The following ACSM4 variants were observed in gnomAD, a reference collection of about 807,000 sequenced individuals.
ACSM4 encodes acyl-coenzyme A synthetase ACSM4, mitochondrial.
Under a neutral mutation model 73.0 loss-of-function variants are expected in ACSM4, and 66 were observed. The ratio of observed to expected loss-of-function variants is 0.90; its 90% CI spans 0.74 to 1.11. ACSM4 has a LOEUF of 1.11. Among genes scored for constraint, ACSM4 ranks in the 50% least tolerant of loss-of-function variants. The probability of loss-of-function intolerance (pLI) is 0.00; values close to 1 mark genes in which losing one functional copy is unlikely to be tolerated. For missense variants in ACSM4, 645 were observed against 714.4 expected (o/e 0.90, Z 1.11); for synonymous variants, 222 against 254.0 (o/e 0.87, Z 1.20).
At position 7,310,673 on chromosome 12, in the gene ACSM4, C is replaced by A; in HGVS notation, c.547C>A (p.Pro183Thr). 6.2e-7 allele frequency: 1 copy of A among 1,613,478 alleles called. No individual in the cohort carries two copies. The highest frequency in any genetic ancestry group is 8.5e-7 in the Non-Finnish European group (1 of 1,179,738). The change falls in exon 3 of 13, where the codon CCT (proline) becomes ACT (threonine). Residue 183 changes from proline (P) to threonine (T), a missense_variant. By Grantham distance (38) the Pro-to-Thr change is conservative. Transcript: ENST00000399422. ...PAVESIVLEC[P>T]DLKTKLLVSP... is the part of the protein sequence containing the mutation. ...GGTGGAGTCCATTGTATTGGAGTGT[C>A]CTGACCTTAAGACAAAACTCCTGGT...
At chr12:7,317,665 T>C (rs1946431572) in intron 4 of ACSM4, among the ~76,000 whole-genome samples, 1 of 152,198 alleles carries the variant, frequency 6.6e-6, no homozygotes, top group African/African-American at 2.4e-5. Context: ...CTTAACTCAC[T>C]TTATTGTATA....
rs200663706 is a variant in ACSM4, at chr12:7,323,277, G to A, written c.1169G>A (p.Gly390Asp). 8.7e-6 allele frequency: 14 copies of A among 1,611,416 alleles called. No individual in the cohort carries two copies. In the Admixed American group the frequency reaches 1.2e-4, roughly 13 times the overall value. ...CAGAAAGGCCAAGAAATTAAACCAGGTTCAATGGGGAAAGGAATGCTGCCC... is the reference window on the plus strand; with the variant it reads ...CAGAAAGGCCAAGAAATTAAACCAGATTCAATGGGGAAAGGAATGCTGCCC... ...ANQKGQEIKP[G>D]SMGKGMLPYD... The change falls in exon 8 of 13, where the codon GGT (glycine) becomes GAT (aspartate). Residue 390 changes from glycine to aspartate, a missense_variant. Transcript: ENST00000399422.
At chr12:7,314,484 T>C (rs1026976752) in intron 3 of ACSM4, among the ~76,000 whole-genome samples, 2 of 152,196 alleles carry the variant, frequency 1.3e-5, no homozygotes, top group Non-Finnish European at 2.9e-5. Context: ...CAGATTGTGA[T>C]GCTTTTTCTT....
chr12:7,327,533 G>A (rs942878545), intron 12 of ACSM4, among the ~76,000 whole-genome samples: 5 of 152,066 alleles, frequency 3.3e-5, no homozygotes, highest in African/African-American at 1.2e-4. Flanking sequence ...AAGAAACTAT[G>A]GAATCTTTCC....
At position 7,304,157 on chromosome 12, in the gene ACSM4, T is replaced by G. The variant is rs1006617457; in HGVS notation, c.-175T>G. 3 of 642,674 alleles carry G rather than the reference T, an allele frequency of 4.7e-6. No individual in the cohort carries two copies. Among genetic ancestry groups the G allele is most frequent in the African/African-American group, 1.8e-5 (1 of 54,738 alleles). 39.8% of individuals were successfully genotyped at this position (642,674 alleles called of 1,614,324 possible). A position where few individuals can be genotyped will look rare whatever the true frequency, so the allele number is the denominator to read the frequency against. ...CAGTCAGTGGCTAAGGCAGCAGCTCTGAGGAAGGATGAGGTGTTTTTCAGG... is the reference window on the plus strand; with the variant it reads ...CAGTCAGTGGCTAAGGCAGCAGCTCGGAGGAAGGATGAGGTGTTTTTCAGG... On this transcript the variant is annotated 5_prime_UTR_variant, in exon 1 of 13. Transcript: ENST00000399422.
At chr12:7,323,702 A>G (rs1481306236) in intron 9 of ACSM4, 142 bp downstream of exon 9, 5 of 729,832 alleles carry the variant, frequency 6.9e-6, no homozygotes, top group Middle Eastern at 2.8e-4. Flanking sequence ...CTGTCACCCA[A>G]GAGTACTGTA....
At chr12:7,322,661 C>A in intron 7 of ACSM4, 120 bp downstream of exon 7, 1 of 1,260,452 alleles carries the variant, frequency 7.9e-7, no homozygotes, top group Non-Finnish European at 1.1e-6. Context: ...TCCCGGGATA[C>A]CTCACCTTGC....
intron 3 of ACSM4, among the ~76,000 whole-genome samples, chr12:7,313,151 T>C (rs1192154176): frequency 1.3e-5 from 2 of 152,188 alleles, no homozygotes; most frequent in Non-Finnish European, 2.9e-5. Flanking sequence ...CAGCAAGCAC[T>C]TCCACTTCAG....
intron 2 of ACSM4, among the ~76,000 whole-genome samples, chr12:7,309,700 A>C (rs1946379667): frequency 6.6e-6 from 1 of 152,028 alleles, no homozygotes; most frequent in African/African-American, 2.4e-5. Context: ...ACCATGCCCA[A>C]CCAATAATTT....
intron 3 of ACSM4, among the ~76,000 whole-genome samples, chr12:7,315,585 C>A (rs929573684): frequency 1.3e-5 from 2 of 151,934 alleles, no homozygotes; most frequent in African/African-American, 4.8e-5. Context: ...GCACTCCAGC[C>A]TGGGCGACAG....
chr12:7,311,058 C>T (rs1946387933), intron 3 of ACSM4, among the ~76,000 whole-genome samples: 1 of 151,752 alleles, frequency 6.6e-6, no homozygotes, highest in African/African-American at 2.4e-5. Flanking sequence ...CCTAATTACT[C>T]AGGAGGCTGA....
intron 5 of ACSM4, 110 bp downstream of exon 5, chr12:7,318,292 C>A: frequency 2.1e-6 from 3 of 1,412,486 alleles, no homozygotes; most frequent in South Asian, 1.4e-5. Context: ...TTTTGGAAAT[C>A]ATTTCTTTAT....
chr12:7,306,798 A>C, intron 2 of ACSM4, 55 bp downstream of exon 2: 1 of 1,496,806 alleles, frequency 6.7e-7, no homozygotes, highest in East Asian at 2.4e-5. Flanking sequence ...ACTGAAACTC[A>C]ATGGTTTTCT....
chr12:7,322,025 A>G (rs1326356044), intron 6 of ACSM4, among the ~76,000 whole-genome samples: 1 of 152,192 alleles, frequency 6.6e-6, no homozygotes, highest in Non-Finnish European at 1.5e-5. Flanking sequence ...ATGTGTAAAT[A>G]GGGGTTGAGA....
At chr12:7,321,673 G>A (rs1404034258) in intron 6 of ACSM4, among the ~76,000 whole-genome samples, 1 of 152,244 alleles carries the variant, frequency 6.6e-6, no homozygotes, top group Non-Finnish European at 1.5e-5. Context: ...GGGCCTCAGT[G>A]TATGAGAAGC....
chr12:7,309,975 G>A (rs1591842036), intron 2 of ACSM4, among the ~76,000 whole-genome samples: 1 of 151,842 alleles, frequency 6.6e-6, no homozygotes, highest in Non-Finnish European at 1.5e-5. Flanking sequence ...GTACAGACAG[G>A]GTTTCGCCAT....
At chr12:7,326,161 C>A (rs1295157249) in intron 11 of ACSM4, among the ~76,000 whole-genome samples, 1 of 152,160 alleles carries the variant, frequency 6.6e-6, no homozygotes, top group Non-Finnish European at 1.5e-5. Flanking sequence ...GCAAAAAAGA[C>A]CTCACATAGA....
Position 7,322,503 on chromosome 12 carries a change from G to C in ACSM4, c.1087G>C (p.Gly363Arg). Residue 363 changes from glycine to arginine, a missense_variant, in exon 7 of 13, where the codon GGG becomes CGG. Physicochemically the swap from Gly to Arg is moderately radical, Grantham distance 125. Transcript: ENST00000399422. Reference protein sequence around the residue: ...EVLEQWRVQTGLELYEGYGQT... With the variant: ...EVLEQWRVQTRLELYEGYGQT... ...GCTGGAGCAGTGGAGGGTGCAAACTGGGCTGGAGCTATATGAGGGCTATGG... is the reference window on the plus strand; with the variant it reads ...GCTGGAGCAGTGGAGGGTGCAAACTCGGCTGGAGCTATATGAGGGCTATGG... 5 of 1,613,864 alleles carry C rather than the reference G, an allele frequency of 3.1e-6. No individual in the cohort carries two copies. The highest frequency in any genetic ancestry group is 3.3e-4 in the Middle Eastern group (2 of 6,054).
intron 11 of ACSM4, among the ~76,000 whole-genome samples, chr12:7,326,225 T>TCTCA (rs1946504274): frequency 6.6e-6 from 1 of 152,144 alleles, no homozygotes; most frequent in Non-Finnish European, 1.5e-5. Context: ...TTTTTTGAGA[T>TCTCA]GGAGACTTGC....
Sources: allele counts gnomAD v4.1 joint callset (sites outside exome capture counted in the v4.1 genomes callset), GRCh38; gene constraint gnomAD v4.1.1; transcripts MANE v1.5; gene names NCBI Gene and HGNC (gene_info 2026-07-23, HGNC 2026-07-21).